MZT2B: variants seen among roughly 807,000 people sequenced by gnomAD.
MZT2B encodes the protein mitotic-spindle organizing protein 2B.
MZT2B carries 11 observed loss-of-function variants against 12.1 expected under a neutral mutation model. The ratio of observed to expected loss-of-function variants is 0.91; its 90% CI spans 0.57 to 1.50. The LOEUF is 1.50. MZT2B is among the 40% of genes most tolerant of loss of function. MZT2B has a pLI of 0.00. For missense variants in MZT2B, 209 were observed against 227.7 expected (o/e 0.92, Z 0.53); for synonymous variants, 85 against 109.5 (o/e 0.78, Z 1.40).
chr2:130,187,050 A>G (rs943809799), intron 2 of MZT2B, among the ~76,000 whole-genome samples: 1 of 147,696 alleles, frequency 6.8e-6, no homozygotes, highest in Non-Finnish European at 1.5e-5. Context: ...GACCCCACCC[A>G]TTTCTACAAA....
chr2:130,183,854 G>C (rs1293950956), intron 2 of MZT2B: 1 of 1,550,644 alleles, frequency 6.4e-7, no homozygotes. Flanking sequence ...CCAGCCCGCA[G>C]CCTGCGGCCT....
chr2:130,188,435 A>G (rs1690141071), intron 2 of MZT2B, among the ~76,000 whole-genome samples: 1 of 152,128 alleles, frequency 6.6e-6, no homozygotes, highest in African/African-American at 2.4e-5. Context: ...GTCAGTGGGG[A>G]CTAGAATTAT....
At chr2:130,183,245 C>T (rs1275675072) in intron 2 of MZT2B, 3 of 268,636 alleles carry the variant, frequency 1.1e-5, no homozygotes, top group Non-Finnish European at 7.2e-6. Context: ...TGGTATACAG[C>T]ATCCAGGGAA....
Position 130,182,394 on chromosome 2 carries a change from A to T in MZT2B, c.112A>T (p.Met38Leu). 6.4e-7 allele frequency: 1 copy of T among 1,561,614 alleles called. No homozygotes were observed. Among genetic ancestry groups the T allele is most frequent in the Non-Finnish European group, 8.6e-7 (1 of 1,156,970 alleles). Residue 38 changes from methionine to leucine, a missense_variant, in exon 1 of 3, where the codon ATG (methionine) becomes TTG (leucine). Coordinates refer to ENST00000281871, the MANE Select transcript of MZT2B (RefSeq NM_025029.5). ...GAAGAAGGTGCTGAGCACCGAGGAG[A>T]TGGAGCTGTACGAGCTGGCGCAGGC... ...RRKKVLSTEE[M>L]ELYELAQAAG...
At chr2:130,189,588 T>G (rs1690183924) in intron 2 of MZT2B, among the ~76,000 whole-genome samples, 1 of 152,122 alleles carries the variant, frequency 6.6e-6, no homozygotes, top group South Asian at 2.1e-4. Context: ...GCACTCCACA[T>G]GGGGGTCTGT....
chr2:130,183,210 A>G (rs560025375), intron 2 of MZT2B: 16 of 273,046 alleles, frequency 5.9e-5, no homozygotes, highest in Non-Finnish European at 1.1e-4. Context: ...ATGTTTTTCA[A>G]AAGACAGTCT....
At chr2:130,181,763 T>C (rs1328777411), upstream of MZT2B, 1 of 1,547,872 alleles carries the variant, frequency 6.5e-7, no homozygotes, top group African/African-American at 1.4e-5. Context: ...CTTAGCTGAA[T>C]GCGCCTGCGT....
chr2:130,186,827 G>A (rs1409272706), intron 2 of MZT2B, among the ~76,000 whole-genome samples: 1 of 151,912 alleles, frequency 6.6e-6, no homozygotes, highest in Non-Finnish European at 1.5e-5. Flanking sequence ...GATTGCTTGA[G>A]CCTGGGAGGT....
chr2:130,182,327 C>T lies in MZT2B; in HGVS notation c.45C>T (p.Pro15=), dbSNP rs1240196261. 11 of 1,523,272 alleles carry T rather than the reference C, an allele frequency of 7.2e-6. No homozygotes were observed. In the Admixed American group the frequency reaches 1.4e-4, roughly 19 times the overall value. 94.4% of individuals were successfully genotyped at this position (1,523,272 alleles called of 1,614,324 possible). ...GVGPGPGSAA[P]PGLEAARQKL... is the part of the protein sequence containing the mutation. ...GGCCTGGGCCGGGGTCGGCGGCGCC[C>T]CCGGGGCTGGAGGCGGCCCGGCAGA... Residue 15 remains proline (P), a synonymous_variant, in exon 1 of 3, where the codon CCC becomes CCT. Transcript: ENST00000281871.
chr2:130,196,800 T>C, the MZT2B span, among the ~76,000 whole-genome samples: 1 of 152,178 alleles, frequency 6.6e-6, no homozygotes, highest in Non-Finnish European at 1.5e-5. Context: ...GCCCAGGTGC[T>C]CAGTGTGTGT....
the MZT2B span, among the ~76,000 whole-genome samples, chr2:130,204,655 C>T: frequency 6.9e-6 from 1 of 144,694 alleles, no homozygotes; most frequent in Non-Finnish European, 1.5e-5. Context: ...CATGCCACTG[C>T]ACTCCAGCCT....
At chr2:130,198,717 CCCAGTGTG>C in the MZT2B span, among the ~76,000 whole-genome samples, 3,821 of 123,532 alleles carry the variant, frequency 0.031, 970 homozygotes, top group African/African-American at 0.11. Flanking sequence ...TTGCCTTGCT[CCCAGTGTG>C]CCACTGCCCC....
the MZT2B span, among the ~76,000 whole-genome samples, chr2:130,199,965 G>A: frequency 6.6e-6 from 1 of 151,916 alleles, no homozygotes; most frequent in South Asian, 2.1e-4. Context: ...GTATGGTGGT[G>A]AGCACCTATA....
chr2:130,204,067 A>G, the MZT2B span: 1 of 952,052 alleles, frequency 1.1e-6, no homozygotes, highest in South Asian at 1.5e-5. Flanking sequence ...TGTAACCAGC[A>G]TTGGCTGTCA....
At chr2:130,185,797 A>G (rs1399935753) in intron 2 of MZT2B, among the ~76,000 whole-genome samples, 1 of 151,892 alleles carries the variant, frequency 6.6e-6, no homozygotes, top group Non-Finnish European at 1.5e-5. Flanking sequence ...GGGGGCTCCG[A>G]GAGAATTTAC....
chr2:130,182,218 G>T (rs1238574063), upstream of MZT2B: 148 of 1,233,784 alleles, frequency 1.2e-4, no homozygotes, highest in Non-Finnish European at 1.3e-4. Flanking sequence ...TGCAGGGAGA[G>T]GGTGGTGGGC....
chr2:130,183,405 C>T (rs1167894705), intron 2 of MZT2B: 3 of 374,970 alleles, frequency 8.0e-6, no homozygotes, highest in African/African-American at 4.2e-5. Flanking sequence ...GTGCAGAGGC[C>T]TGCGGGGTCT....
intron 2 of MZT2B, among the ~76,000 whole-genome samples, chr2:130,185,141 C>G (rs1224854425): frequency 6.6e-6 from 1 of 152,022 alleles, no homozygotes; most frequent in East Asian, 1.9e-4. Context: ...AACCCCGTCT[C>G]TACTAAAAAT....
downstream of MZT2B, among the ~76,000 whole-genome samples, chr2:130,194,837 C>T (rs1690364753): frequency 6.6e-6 from 1 of 152,106 alleles, no homozygotes. Flanking sequence ...GCCACCACAC[C>T]CAGCTAATTT....
Sources: allele counts gnomAD v4.1 joint callset (sites outside exome capture counted in the v4.1 genomes callset), GRCh38; gene constraint gnomAD v4.1.1; transcripts MANE v1.5; gene names NCBI Gene and HGNC (gene_info 2026-07-23, HGNC 2026-07-21).